Variants in MYO9A observed in about 807,000 individuals in gnomAD.
The protein encoded by MYO9A is myosin IXA, also known as unconventional myosin-IXa.
MYO9A carries 103 observed loss-of-function variants against 293.3 expected under a neutral mutation model. That is an observed-to-expected ratio of 0.35 (90% CI 0.30 to 0.41). MYO9A has a LOEUF of 0.41. MYO9A is among the 10% of genes least tolerant of loss of function. The pLI is 1.00. For synonymous variants in MYO9A, 1,001 were observed against 1,035.7 expected (o/e 0.97, Z 0.64); for missense variants, 2,685 against 3,033.0 (o/e 0.89, Z 2.69).
intron 19 of MYO9A, among the ~76,000 whole-genome samples, chr15:71,915,526 A>G (rs1337178743): frequency 6.6e-6 from 1 of 152,032 alleles, no homozygotes; most frequent in African/African-American, 2.4e-5. Context: ...AAATAAAATG[A>G]CATTTCTAGC....
In MYO9A at chr15:71,969,985, G is replaced by C. The variant is rs936345458; in HGVS notation, c.1845-1860C>G. On this transcript the variant is annotated intron_variant, in intron 12 of 41. Transcript: ENST00000356056. ...TGCAATTCTGACTTAAATGATTAGG[G>C]AGATGACCTAGCATCAGTGGTATTT... Among the ~76,000 whole-genome samples, 3 of 152,132 alleles carry C rather than the reference G, an allele frequency of 2.0e-5. No individual in the cohort carries two copies. The East Asian group carries it at 5.8e-4, about 29-fold the overall frequency.
At position 72,007,952 on chromosome 15, in the gene MYO9A, C is replaced by T. The variant is rs1319055645; in HGVS notation, c.1254G>A (p.Gln418=). Residue 418 remains glutamine (Q), a splice_region_variant and synonymous_variant, in exon 8 of 42, where the codon CAG becomes CAA. Transcript: ENST00000356056. ...GTATGGCTGAGAGAAGAGAGAAAAT[C>T]CTGGGAAAATAAAACACAAATTATA... ...MVGFLPKTRR[Q]IFSLLSAILH... is the part of the protein sequence containing the mutation. 1.2e-6 allele frequency: 2 copies of T among 1,606,396 alleles called. No homozygotes were observed. The highest frequency in any genetic ancestry group is 1.3e-5 in the African/African-American group (1 of 74,494).
intron 19 of MYO9A, among the ~76,000 whole-genome samples, chr15:71,910,099 T>TATATATATACGTGTATATATAC (rs1567260276): frequency 1.4e-5 from 2 of 144,426 alleles, no homozygotes; most frequent in African/African-American, 2.6e-5. Context: ...TATATATATA[T>TATATATATACGTGTATATATAC]ACGTATATAT....
intron 32 of MYO9A, among the ~76,000 whole-genome samples, chr15:71,870,696 T>C (rs1596072672): frequency 6.6e-6 from 1 of 152,238 alleles, no homozygotes; most frequent in African/African-American, 2.4e-5. Flanking sequence ...GCATATTATT[T>C]AGACATATCT....
At chr15:71,935,099 A>C (rs2058599493) in intron 17 of MYO9A, 4 of 383,762 alleles carry the variant, frequency 1.0e-5, no homozygotes, top group Non-Finnish European at 9.3e-6. Context: ...TAACAAATAT[A>C]CTCAGTCATG....
At position 71,962,460 on chromosome 15, in the gene MYO9A, C is replaced by T. The variant is rs536630288; in HGVS notation, c.1987-2364G>A. ...ACAAGCCAGGAATTTTGGTCCTTGG[C>T]TTGTCCTTACATACCCTTAGAGCAA... On this transcript the variant is annotated intron_variant, in intron 13 of 41. Coordinates refer to ENST00000356056, the MANE Select transcript of MYO9A (RefSeq NM_006901.4). 2.6e-5 allele frequency among the ~76,000 whole-genome samples: 4 copies of T among 152,272 alleles called. No homozygotes were observed. The East Asian group carries it at 5.8e-4, about 22-fold the overall frequency.
At chr15:71,890,903 G>GA (rs2057157432) in intron 26 of MYO9A, 1 of 151,714 alleles carries the variant, frequency 6.6e-6, no homozygotes, top group Non-Finnish European at 1.5e-5. Context: ...CATGTACCTA[G>GA]AAAATCAAAT....
chr15:71,852,730 T>C (rs1336599273), intron 35 of MYO9A, among the ~76,000 whole-genome samples: 3 of 152,244 alleles, frequency 2.0e-5, no homozygotes, highest in African/African-American at 7.2e-5. Context: ...TTTGGAACTG[T>C]GCTTCTAACT....
At chr15:71,902,640 G>C (rs1405773998) in intron 22 of MYO9A, among the ~76,000 whole-genome samples, 1 of 152,158 alleles carries the variant, frequency 6.6e-6, no homozygotes, top group Non-Finnish European at 1.5e-5. Context: ...GAAAGTATTT[G>C]ATAAATTTAA....
chr15:72,089,539 G>A (rs1434193564), intron 1 of MYO9A, among the ~76,000 whole-genome samples: 1 of 152,000 alleles, frequency 6.6e-6, no homozygotes, highest in African/African-American at 2.4e-5. Context: ...CAGCACTCTG[G>A]GAAAGGAAGG....
At chr15:71,933,754 C>G in intron 17 of MYO9A, 45 bp from the exon 18 acceptor site, 2 of 1,428,600 alleles carry the variant, frequency 1.4e-6, no homozygotes, top group Non-Finnish European at 1.9e-6. Flanking sequence ...TGTATAAAAA[C>G]AAAAACAAAA....
At chr15:72,010,579 G>A in intron 6 of MYO9A, 132 bp from the exon 7 acceptor site, 1 of 687,646 alleles carries the variant, frequency 1.5e-6, no homozygotes. Context: ...AGAATAGTAA[G>A]ACCTAGTCAA....
At chr15:71,971,503 G>C (rs138951558) in intron 12 of MYO9A, among the ~76,000 whole-genome samples, 1 of 150,822 alleles carries the variant, frequency 6.6e-6, no homozygotes, top group African/African-American at 2.4e-5. Context: ...GAGATCACTC[G>C]AGCCCATAAA....
At chr15:72,052,161 C>T (rs1230983502) in intron 1 of MYO9A, among the ~76,000 whole-genome samples, 2 of 152,118 alleles carry the variant, frequency 1.3e-5, no homozygotes, top group African/African-American at 4.8e-5. Context: ...GGACAACCAG[C>T]TGCAGGGAGA....
chr15:71,973,758 C>G (rs1284932768), intron 12 of MYO9A, among the ~76,000 whole-genome samples: 3 of 152,186 alleles, frequency 2.0e-5, no homozygotes, highest in African/African-American at 4.8e-5. Context: ...ACAGTAAATG[C>G]TGTAGTTAAG....
intron 32 of MYO9A, among the ~76,000 whole-genome samples, chr15:71,871,274 C>T (rs2056503572): frequency 2.0e-5 from 3 of 151,796 alleles, no homozygotes; most frequent in African/African-American, 7.3e-5. Flanking sequence ...ACTCAGGAGG[C>T]TAAGATGAGA....
In MYO9A at chr15:72,007,032, C is replaced by T. The variant is rs963420894; in HGVS notation, c.1380+794G>A. ...TTCACAGATAAGCAAGGGAAGAAGG[C>T]TAGAATGATCCACGTGGGGAATGGA... On this transcript the variant is annotated intron_variant, in intron 8 of 41. Coordinates refer to ENST00000356056, the MANE Select transcript of MYO9A (RefSeq NM_006901.4). Among the ~76,000 whole-genome samples the T allele has an allele frequency of 4.6e-5, 7 of 152,200 alleles. No homozygotes were observed. The South Asian group carries it at 1.5e-3, about 32-fold the overall frequency.
intron 16 of MYO9A, among the ~76,000 whole-genome samples, chr15:71,936,965 G>A (rs2058658858): frequency 6.7e-6 from 1 of 148,164 alleles, no homozygotes; most frequent in Admixed American, 6.8e-5. Context: ...CAAAAGGAGA[G>A]AGAGAGGAGA....
chr15:72,069,170 C>T (rs149030575), intron 1 of MYO9A, among the ~76,000 whole-genome samples: 3 of 152,098 alleles, frequency 2.0e-5, no homozygotes, highest in Admixed American at 6.5e-5. Context: ...TAGCAAAGAC[C>T]AAGACTTCTA....
Sources: gnomAD v4.1 joint callset for allele counts (sites outside exome capture counted in the v4.1 genomes callset) on GRCh38, gnomAD v4.1.1 for gene constraint, MANE v1.5 for transcripts, NCBI Gene and HGNC (gene_info 2026-07-23, HGNC 2026-07-21) for gene names.